Variants in ALG13 observed in about 807,000 individuals in gnomAD.
ALG13 encodes ALG13 UDP-N-acetylglucosaminyltransferase subunit.
In ALG13, 11 loss-of-function variants were observed where a neutral mutation model predicts 87.8. The observed-to-expected ratio is 0.13, with a 90% confidence interval of 0.08 to 0.21. ALG13 has a LOEUF of 0.21. Ranked by LOEUF, ALG13 falls within the 10% of genes least tolerant of loss-of-function variation. ALG13 has a pLI of 1.00. For synonymous variants in ALG13, 320 were observed against 306.3 expected (o/e 1.04, Z -0.47); for missense variants, 756 against 866.1 (o/e 0.87, Z 1.60).
At chrX:111,714,619 T>C (rs1008761160) in intron 8 of ALG13, among the ~76,000 whole-genome samples, 4 of 111,056 alleles carry the variant, frequency 3.6e-5, no homozygotes, top group African/African-American at 1.3e-4. Context: ...TGAAACTTTT[T>C]CCCAACGTTT....
At position 111,721,730 on chromosome X, in the gene ALG13, G is replaced by A; in HGVS notation, c.1435+19G>A. The A allele has an allele frequency of 9.4e-7, 1 of 1,065,069 alleles. No homozygotes were observed. Among genetic ancestry groups the A allele is most frequent in the South Asian group, 2.0e-5 (1 of 50,108 alleles). The allele number at this position is 1,065,069 out of a possible 1,213,427, so 87.8% of individuals were successfully genotyped here. On this transcript the variant is annotated intron_variant, in intron 12 of 26. Transcript: ENST00000394780. Reference sequence around the variant, plus strand: ...AGAAAAGGTAAAGAAATATCAACAGGATACTTTTGAATCCTGACAAATCCA... The same window carrying A: ...AGAAAAGGTAAAGAAATATCAACAGAATACTTTTGAATCCTGACAAATCCA...
intron 3 of ALG13, 109 bp downstream of exon 3, chrX:111,685,212 G>A: frequency 1.2e-6 from 1 of 858,670 alleles, no homozygotes; most frequent in Non-Finnish European, 1.6e-6. Context: ...CCTTCTCCCA[G>A]TTACCAAACC....
chrX:111,687,940 C>G, intron 3 of ALG13: 1 of 1,179,316 alleles, frequency 8.5e-7, no homozygotes, highest in Non-Finnish European at 1.1e-6. Context: ...AAATGTTATC[C>G]TCCTGGCCAG....
chrX:111,725,177 T>C (rs1941841420), intron 15 of ALG13, 116 bp downstream of exon 15: 8 of 894,787 alleles, frequency 8.9e-6, no homozygotes, highest in Non-Finnish European at 1.1e-5. Flanking sequence ...GTAGGGTTTC[T>C]CAACTTTAGC....
chrX:111,707,482 C>G (rs758237861), intron 3 of ALG13, among the ~76,000 whole-genome samples: 162 of 112,089 alleles, frequency 1.4e-3, no homozygotes, highest in African/African-American at 5.1e-3. Flanking sequence ...TACTTCAACC[C>G]TATATCTGAA....
intron 25 of ALG13, 95 bp from the exon 26 acceptor site, chrX:111,757,491 TTA>T: frequency 1.4e-6 from 1 of 704,515 alleles, no homozygotes; most frequent in Non-Finnish European, 1.9e-6. Context: ...GGCCCAATTC[TTA>T]TTTTTTTTTT....
chrX:111,747,472 A>G (rs1036801295), intron 24 of ALG13, among the ~76,000 whole-genome samples: 1 of 111,877 alleles, frequency 8.9e-6, no homozygotes, highest in African/African-American at 3.2e-5. Context: ...CTAAACATCC[A>G]TATGCAAGTT....
intron 25 of ALG13, among the ~76,000 whole-genome samples, chrX:111,756,016 C>T (rs992484912): frequency 2.7e-5 from 3 of 112,479 alleles, no homozygotes; most frequent in Non-Finnish European, 5.6e-5. Context: ...AACCAACTCA[C>T]ATACCCATCA....
intron 3 of ALG13, among the ~76,000 whole-genome samples, chrX:111,699,596 C>A (rs1407490764): frequency 8.9e-6 from 1 of 111,840 alleles, no homozygotes; most frequent in Non-Finnish European, 1.9e-5. Flanking sequence ...CTTCATTCTT[C>A]TGCCCGTGGA....
intron 8 of ALG13, among the ~76,000 whole-genome samples, chrX:111,714,748 C>T (rs1298598528): frequency 3.6e-5 from 4 of 111,397 alleles, no homozygotes; most frequent in Non-Finnish European, 7.5e-5. Flanking sequence ...ATATCTATTC[C>T]TCGATCCATT....
chrX:111,730,938 A>G (rs1372029746), intron 21 of ALG13, among the ~76,000 whole-genome samples: 1 of 112,197 alleles, frequency 8.9e-6, no homozygotes, highest in Non-Finnish European at 1.9e-5. Flanking sequence ...TTCATCCACA[A>G]TTGCCAAGGC....
Position 111,724,919 on chromosome X carries a change from C to T in ALG13, c.1602-15C>T, listed in dbSNP as rs1355401221. ...GTGTTGCAGTATCTTCATGGTGATA[C>T]CTTTAACTTTTAAGGCATGTTGTTC... On this transcript the variant is annotated splice_polypyrimidine_tract_variant and intron_variant, in intron 14 of 26. Coordinates refer to ENST00000394780, the MANE Select transcript of ALG13 (RefSeq NM_001099922.3). 4.1e-6 allele frequency: 5 copies of T among 1,207,321 alleles called. No individual in the cohort carries two copies. In the South Asian group the frequency reaches 8.9e-5, roughly 21 times the overall value.
rs1440978706 is a variant in ALG13 at position 111,744,849 on chromosome X, A to G, written c.2877A>G (p.Pro959=). 2.5e-6 allele frequency: 3 copies of G among 1,204,048 alleles called. No homozygotes were observed. In the Admixed American group the frequency reaches 6.6e-5, roughly 27 times the overall value. The part of the protein sequence containing the change: ...VGETSNLQPP[P]PLPPPPYSCD... ...AGACTTCAAACTTACAACCACCACC[A>G]CCACTACCACCTCCACCTTATTCCT... Residue 959 remains proline (P), a synonymous_variant, in exon 24 of 27, where the codon CCA becomes CCG. Transcript: ENST00000394780.
chrX:111,682,058 G>A (rs1827774395), intron 1 of ALG13, 74 bp from the exon 2 acceptor site: 2 of 986,260 alleles, frequency 2.0e-6, no homozygotes, highest in African/African-American at 2.0e-5. Flanking sequence ...TCAAACTTTA[G>A]TAGTGGTGGT....
chrX:111,696,680 C>A (rs1445785405), intron 3 of ALG13, among the ~76,000 whole-genome samples: 4 of 111,660 alleles, frequency 3.6e-5, no homozygotes, highest in Non-Finnish European at 7.5e-5. Context: ...ATTAAAAGGG[C>A]AAATTACGTA....
chrX:111,732,907 T>C (rs1942853234), intron 21 of ALG13, among the ~76,000 whole-genome samples: 2 of 111,408 alleles, frequency 1.8e-5, no homozygotes, highest in Non-Finnish European at 3.8e-5. Context: ...CAAGTAAGAA[T>C]CTTACCACAA....
chrX:111,723,001 C>G, intron 13 of ALG13, 144 bp downstream of exon 13: 1 of 434,948 alleles, frequency 2.3e-6, no homozygotes, highest in Middle Eastern at 6.9e-4. Flanking sequence ...GTTGCCTAGG[C>G]TGGAGTGTAG....
chrX:111,757,591 T>C lies in ALG13; in HGVS notation c.2977T>C (p.Tyr993His), dbSNP rs1945382975. The part of the protein sequence containing the change: ...QYYFNLGLQC[Y>H]YHSYWHSMVY... ...TTGTTGCCCTTTCTTGCTCAAGTGC[T>C]ATTACCACAGCTACTGGCACTCCAT... is the stretch of plus-strand genomic sequence containing the variant. The change falls in exon 26 of 27, where the codon TAT becomes CAT. Residue 993 changes from tyrosine to histidine, a missense_variant. Coordinates refer to ENST00000394780, the MANE Select transcript of ALG13 (RefSeq NM_001099922.3). 8.4e-7 allele frequency: 1 copy of C among 1,195,479 alleles called. No individual in the cohort carries two copies. Among genetic ancestry groups the C allele is most frequent in the African/African-American group, 1.8e-5 (1 of 55,937 alleles).
At chrX:111,700,988 C>T (rs1356902811) in intron 3 of ALG13, among the ~76,000 whole-genome samples, 1 of 110,470 alleles carries the variant, frequency 9.1e-6, no homozygotes, top group Admixed American at 9.7e-5. Context: ...GATTTTTATT[C>T]ATTCTGTTAA....
Sources: gnomAD v4.1 joint callset for allele counts (sites outside exome capture counted in the v4.1 genomes callset) on GRCh38, gnomAD v4.1.1 for gene constraint, MANE v1.5 for transcripts, NCBI Gene and HGNC (gene_info 2026-07-23, HGNC 2026-07-21) for gene names.